Variants in PIK3C2B observed in about 807,000 individuals in gnomAD.
PIK3C2B encodes phosphatidylinositol 4-phosphate 3-kinase C2 domain-containing subunit beta.
PIK3C2B carries 83 observed loss-of-function variants against 184.3 expected under a neutral mutation model. The ratio of observed to expected loss-of-function variants is 0.45; its 90% CI spans 0.38 to 0.54. The LOEUF (loss-of-function observed/expected upper bound fraction) is 0.54. PIK3C2B is among the 20% of genes least tolerant of loss of function. PIK3C2B has a pLI of 0.00. For synonymous variants in PIK3C2B, 779 were observed against 837.6 expected (o/e 0.93, Z 1.21); for missense variants, 1,736 against 2,113.5 (o/e 0.82, Z 3.50).
intron 27 of PIK3C2B, 146 bp from the exon 28 acceptor site, chr1:204,431,939 A>T: frequency 1.1e-6 from 1 of 912,976 alleles, no homozygotes; most frequent in East Asian, 2.4e-5. Context: ...AGATGATAGC[A>T]CATACACAGG....
chr1:204,442,353 G>A (rs11804866), intron 20 of PIK3C2B, among the ~76,000 whole-genome samples, 173 bp downstream of exon 20: 8 of 152,148 alleles, frequency 5.3e-5, no homozygotes, highest in African/African-American at 1.9e-4. Context: ...ATGTTGCATG[G>A]GGGTGAGCTG....
intron 16 of PIK3C2B, 90 bp downstream of exon 16, chr1:204,445,866 C>T (rs140500112): frequency 1.2e-6 from 1 of 848,930 alleles, no homozygotes; most frequent in East Asian, 2.9e-5. Flanking sequence ...TACCATTTTC[C>T]CCAGGGCTGG....
intron 12 of PIK3C2B, among the ~76,000 whole-genome samples, chr1:204,453,907 G>A (rs554090752): frequency 1.3e-5 from 2 of 151,766 alleles, no homozygotes; most frequent in East Asian, 3.9e-4. Flanking sequence ...CCTAGTAGCT[G>A]GGATTACAGG....
chr1:204,432,237 C>A lies in PIK3C2B; in HGVS notation c.4118G>T (p.Cys1373Phe), dbSNP rs765644193. ...SSGRISDVFL[C>F]RHEKIFHPNK... is the part of the protein sequence containing the mutation. ...GGGGTGGAAGATCTTCTCATGGCGG[C>A]AGAGGAAAACATCACTGATTCGGCC... Residue 1373 changes from cysteine (C) to phenylalanine (F), a missense_variant, in exon 27 of 33, where the codon TGC becomes TTC. Transcript: ENST00000684373. The A allele has an allele frequency of 1.1e-5, 18 of 1,613,902 alleles. No individual in the cohort carries two copies. Among genetic ancestry groups the A allele is most frequent in the Non-Finnish European group, 1.5e-5 (18 of 1,180,014 alleles).
At chr1:204,432,488 T>C in intron 26 of PIK3C2B, 87 bp from the exon 27 acceptor site, 2 of 984,292 alleles carry the variant, frequency 2.0e-6, no homozygotes, top group Non-Finnish European at 3.2e-6. Flanking sequence ...TATTCCTGAC[T>C]CCTGAGACTA....
intron 1 of PIK3C2B, among the ~76,000 whole-genome samples, chr1:204,489,648 T>C (rs1367686544): frequency 6.6e-6 from 1 of 152,026 alleles, no homozygotes; most frequent in Admixed American, 6.6e-5. Flanking sequence ...TCACAGCAAT[T>C]TCTTTCACTC....
intron 11 of PIK3C2B, 106 bp from the exon 12 acceptor site, chr1:204,454,897 A>C: frequency 4.7e-6 from 6 of 1,279,324 alleles, no homozygotes; most frequent in Non-Finnish European, 6.4e-6. Flanking sequence ...TAAAACTCTC[A>C]GTCTCTGAGG....
chr1:204,474,123 T>C (rs1198725266), intron 1 of PIK3C2B, among the ~76,000 whole-genome samples: 2 of 151,702 alleles, frequency 1.3e-5, no homozygotes, highest in Admixed American at 6.6e-5. Context: ...TCCCGAGTAG[T>C]TGGGATTGCA....
At chr1:204,488,437 G>T (rs1248306018) in intron 1 of PIK3C2B, among the ~76,000 whole-genome samples, 1 of 152,158 alleles carries the variant, frequency 6.6e-6, no homozygotes, top group Non-Finnish European at 1.5e-5. Context: ...TAGAATTCCT[G>T]TCAGTAACAT....
At chr1:204,445,324 A>T (rs1653758140) in intron 16 of PIK3C2B, among the ~76,000 whole-genome samples, 2 of 152,172 alleles carry the variant, frequency 1.3e-5, no homozygotes, top group Middle Eastern at 3.4e-3. Flanking sequence ...TGGGCATGGT[A>T]GCTCACACCT....
chr1:204,428,276 A>G, intron 29 of PIK3C2B, 56 bp from the exon 30 acceptor site: 1 of 1,053,486 alleles, frequency 9.5e-7, no homozygotes, highest in Non-Finnish European at 1.5e-6. Flanking sequence ...CCCAATACAA[A>G]AAGGAAGGGG....
At chr1:204,435,416 G>A (rs921500243) in intron 23 of PIK3C2B, 1 of 152,006 alleles carries the variant, frequency 6.6e-6, no homozygotes, top group Non-Finnish European at 1.5e-5. Context: ...GAATTCCTAA[G>A]AACTCAGGAA....
rs756414781 is a variant in PIK3C2B at position 204,438,910 on chromosome 1, A to T, written c.3516+25T>A. Reference sequence around the variant, plus strand: ...GGCATCAGGCACACACACACACCAGACGCACTCCCCACCCACAACCCTACC... The same window carrying T: ...GGCATCAGGCACACACACACACCAGTCGCACTCCCCACCCACAACCCTACC... On this transcript the variant is annotated intron_variant, in intron 23 of 32. Coordinates refer to ENST00000684373, the MANE Select transcript of PIK3C2B (RefSeq NM_001377334.1). 1.9e-6 allele frequency: 3 copies of T among 1,609,298 alleles called. No individual in the cohort carries two copies. In the East Asian group the frequency reaches 6.7e-5, roughly 36 times the overall value.
chr1:204,457,910 G>C, intron 8 of PIK3C2B, 36 bp from the exon 9 acceptor site: 2 of 1,599,776 alleles, frequency 1.3e-6, no homozygotes, highest in Non-Finnish European at 1.7e-6. Flanking sequence ...GGCAGGCTCT[G>C]CTCTCATGCT....
intron 23 of PIK3C2B, among the ~76,000 whole-genome samples, chr1:204,436,789 T>G (rs1284267107): frequency 6.6e-6 from 1 of 152,186 alleles, no homozygotes; most frequent in African/African-American, 2.4e-5. Context: ...CCTAGTACAG[T>G]GCCTCTGCAT....
chr1:204,489,869 T>C (rs577808374), intron 1 of PIK3C2B: 1 of 397,582 alleles, frequency 2.5e-6, no homozygotes, highest in Admixed American at 4.4e-5. Context: ...AATGGAATCC[T>C]TTTGGCCCTC....
chr1:204,461,496 G>C (rs1655332578), intron 5 of PIK3C2B, among the ~76,000 whole-genome samples: 1 of 152,204 alleles, frequency 6.6e-6, no homozygotes, highest in Non-Finnish European at 1.5e-5. Context: ...GCCGGAAAAG[G>C]ACTTCCTTCC....
At chr1:204,450,175 A>G (rs1268915323) in intron 12 of PIK3C2B, 158 bp from the exon 13 acceptor site, 6 of 608,264 alleles carry the variant, frequency 9.9e-6, no homozygotes, top group Non-Finnish European at 1.7e-5. Context: ...CAGAACCAGG[A>G]GAGGTCCCAA....
intron 22 of PIK3C2B, among the ~76,000 whole-genome samples, chr1:204,439,494 T>A (rs1558238420): frequency 6.6e-6 from 1 of 152,340 alleles, no homozygotes; most frequent in East Asian, 1.9e-4. Context: ...TCCCAGATAC[T>A]TTATTTCACT....
Sources: gnomAD v4.1 joint callset for allele counts (sites outside exome capture counted in the v4.1 genomes callset) on GRCh38, gnomAD v4.1.1 for gene constraint, MANE v1.5 for transcripts, NCBI Gene and HGNC (gene_info 2026-07-23, HGNC 2026-07-21) for gene names.